The following PAQR9 variants were observed in gnomAD, a reference collection of about 807,000 sequenced individuals.
The protein encoded by PAQR9 is progestin and adipoQ receptor family member 9, also known as membrane progestin receptor epsilon.
Under a neutral mutation model 24.0 loss-of-function variants are expected in PAQR9, and 12 were observed. The ratio of observed to expected loss-of-function variants is 0.50; its 90% CI spans 0.32 to 0.81. The LOEUF (loss-of-function observed/expected upper bound fraction) is 0.81, where lower values mean the gene tolerates loss of function less well. Ranked by LOEUF, PAQR9 falls within the 30% of genes least tolerant of loss-of-function variation. The pLI is 0.03. For synonymous variants in PAQR9, 266 were observed against 237.6 expected, an observed-to-expected ratio of 1.12 and a Z score of -1.10; for missense variants, 418 against 520.8, an observed-to-expected ratio of 0.80 and a Z score of 1.92.
In PAQR9 at chr3:142,962,758, C is replaced by A. The variant is rs1934926139; in HGVS notation, c.579G>T (p.Gln193His). ...AGTCCACGTGCCAGCCCAGGCGCTGCTGCAAGTATGGAGTCATGACTCTGG... is the reference window on the plus strand; with the variant it reads ...AGTCCACGTGCCAGCCCAGGCGCTGATGCAAGTATGGAGTCATGACTCTGG... ...LDARVMTPYL[Q>H]QRLGWHVDCT... is the part of the protein sequence containing the mutation. Residue 193 changes from glutamine (Q) to histidine (H), a missense_variant, in exon 1 of 1, where the codon CAG (glutamine) becomes CAT (histidine). Physicochemically the swap from Gln to His is conservative, Grantham distance 24. Around this residue, in one of 3 missense-constraint regions of PAQR9, gnomAD observed 230 missense variants for 305.2 expected, o/e 0.75. Transcript: ENST00000340634. 3 of 1,612,482 alleles carry A rather than the reference C, an allele frequency of 1.9e-6. No homozygotes were observed. In the African/African-American group the frequency reaches 4.0e-5, roughly 22 times the overall value.
downstream of PAQR9, among the ~76,000 whole-genome samples, chr3:142,953,459 T>C (rs541655521): frequency 6.6e-6 from 1 of 152,250 alleles, no homozygotes; most frequent in East Asian, 1.9e-4. Flanking sequence ...GGCTGGGCTG[T>C]GGTTGCTATT....
exon 3 of PAQR9, chr3:142,949,291 T>TCTG (rs1934684504): frequency 6.6e-6 from 1 of 152,210 alleles, no homozygotes; most frequent in Admixed American, 6.5e-5. Context: ...TATTTATAGA[T>TCTG]CCTACCCTCA....
In PAQR9 at chr3:142,959,041, A is replaced by G. The variant is rs1934841578; in HGVS notation, c.*3162T>C. On this transcript the variant is annotated 3_prime_UTR_variant, in exon 1 of 1. Transcript: ENST00000340634. Reference sequence around the variant, plus strand: ...GGCGCCGCTCCTTGAGATGTCATCCAGATCATGACTAACAAGTAAAAATGA... The same window carrying G: ...GGCGCCGCTCCTTGAGATGTCATCCGGATCATGACTAACAAGTAAAAATGA... Among the ~76,000 whole-genome samples the G allele has an allele frequency of 6.6e-6, 1 of 152,228 alleles. No individual in the cohort carries two copies. The highest frequency in any genetic ancestry group is 1.5e-5 in the Non-Finnish European group (1 of 68,034).
Position 142,963,619 on chromosome 3 carries a change from G to T in PAQR9, c.-283C>A, listed in dbSNP as rs1387850474. On this transcript the variant is annotated 5_prime_UTR_variant, in exon 1 of 1. Coordinates refer to ENST00000340634, the MANE Select transcript of PAQR9 (RefSeq NM_198504.4). ...CTGCTACCGGCGCGCGGCCGCCCGCGCTGCGGCAGCGGCGGCGGCGCGGCT... is the reference window on the plus strand; with the variant it reads ...CTGCTACCGGCGCGCGGCCGCCCGCTCTGCGGCAGCGGCGGCGGCGCGGCT... The T allele has an allele frequency of 1.1e-5, 8 of 740,784 alleles. No homozygotes were observed. The highest frequency in any genetic ancestry group is 1.3e-5 in the Non-Finnish European group (8 of 608,854). 45.9% of individuals were successfully genotyped at this position (740,784 alleles called of 1,614,324 possible).
At position 142,954,932 on chromosome 3, in the gene PAQR9, C is replaced by A. The variant is rs1934768693; in HGVS notation, c.*7271G>T. 6.6e-6 allele frequency among the ~76,000 whole-genome samples: 1 copy of A among 152,162 alleles called. No individual in the cohort carries two copies. Among genetic ancestry groups the A allele is most frequent in the South Asian group, 2.1e-4 (1 of 4,826 alleles). ...GAATGCCTCTCTTGCTAGCTAAATA[C>A]AGTTCTTTAGGGTGTAGGTAAGGAC... On this transcript the variant is annotated 3_prime_UTR_variant, in exon 1 of 1. Coordinates refer to ENST00000340634, the MANE Select transcript of PAQR9 (RefSeq NM_198504.4).
At chr3:142,953,580 A>G (rs908803739), downstream of PAQR9, among the ~76,000 whole-genome samples, 2 of 152,094 alleles carry the variant, frequency 1.3e-5, no homozygotes, top group Non-Finnish European at 2.9e-5. Context: ...CACAGTGCAC[A>G]TGGCTCAAAC....
In PAQR9 at chr3:142,962,315, G is replaced by A. The variant is rs761373693; in HGVS notation, c.1022C>T (p.Pro341Leu). 6.2e-7 allele frequency: 1 copy of A among 1,614,138 alleles called. No homozygotes were observed. Among genetic ancestry groups the A allele is most frequent in the Non-Finnish European group, 8.5e-7 (1 of 1,180,032 alleles). Residue 341 changes from proline (P) to leucine (L), a missense_variant, in exon 1 of 1, where the codon CCT (proline) becomes CTT (leucine). By Grantham distance (98) the Pro-to-Leu change is moderately conservative. Coordinates refer to ENST00000340634, the MANE Select transcript of PAQR9 (RefSeq NM_198504.4). Reference protein sequence around the residue: ...EGLRQFLQAPPAAPTFSGTVG... With the variant: ...EGLRQFLQAPLAAPTFSGTVG... ...AGTACCCGAGAAAGTGGGTGCGGCA[G>A]GCGGCGCCTGGAGGAACTGGCGCAG...
upstream of PAQR9, chr3:142,963,814 T>C (rs1934971194): frequency 3.0e-5 from 30 of 984,906 alleles, no homozygotes; most frequent in Non-Finnish European, 3.6e-5. Context: ...CGCGGCCGCT[T>C]CGGGGGATAG....
chr3:142,957,097 T>C lies in PAQR9; in HGVS notation c.*5106A>G, dbSNP rs1454821094. ...AAGGTGATGTACAATTGGCTGGTGC[T>C]ATCCCGTAATGCCTTTTTGCCTCTG... On this transcript the variant is annotated 3_prime_UTR_variant, in exon 1 of 1. Transcript: ENST00000340634. Among the ~76,000 whole-genome samples, 1 of 152,228 alleles carries C rather than the reference T, an allele frequency of 6.6e-6. No homozygotes were observed. The highest frequency in any genetic ancestry group is 1.5e-5 in the Non-Finnish European group (1 of 68,032).
chr3:142,953,684 G>A (rs1934750224), downstream of PAQR9, among the ~76,000 whole-genome samples: 1 of 152,206 alleles, frequency 6.6e-6, no homozygotes, highest in South Asian at 2.1e-4. Flanking sequence ...GTTGGATGAA[G>A]TGGACAGCTG....
rs564054671 is a variant in PAQR9 at position 142,960,676 on chromosome 3, T to C, written c.*1527A>G. ...AAGTCATCTCAGTGGTTTGTGTTAA[T>C]CTAGAGTGGCCATCTCAATTACAGG... On this transcript the variant is annotated 3_prime_UTR_variant, in exon 1 of 1. Coordinates refer to ENST00000340634, the MANE Select transcript of PAQR9 (RefSeq NM_198504.4). The C allele has an allele frequency of 6.6e-6, 1 of 152,364 alleles. No individual in the cohort carries two copies. Among genetic ancestry groups the C allele is most frequent in the East Asian group, 1.9e-4 (1 of 5,192 alleles). 9.4% of individuals were successfully genotyped at this position (152,364 alleles called of 1,614,324 possible). A position where few individuals can be genotyped will look rare whatever the true frequency, so the allele number is the denominator to read the frequency against.
Position 142,962,360 on chromosome 3 carries a change from A to C in PAQR9, c.977T>G (p.Val326Gly), listed in dbSNP as rs1578081964. Residue 326 changes from valine to glycine, a missense_variant, in exon 1 of 1, where the codon GTG (valine) becomes GGG (glycine). Coordinates refer to ENST00000340634, the MANE Select transcript of PAQR9 (RefSeq NM_198504.4). ...GCGCAGGCCCTCTTCTACGTAGTAC[A>C]CCTGGTCGTAGATGCTGAGGAAGGT... is the stretch of plus-strand genomic sequence containing the variant. ...IFTFLSIYDQ[V>G]YYVEEGLRQF... 1.2e-6 allele frequency: 2 copies of C among 1,614,084 alleles called. No individual in the cohort carries two copies. Among genetic ancestry groups the C allele is most frequent in the Non-Finnish European group, 8.5e-7 (1 of 1,180,016 alleles).
chr3:142,949,186 C>T (rs1934683157), exon 3 of PAQR9: 1 of 152,202 alleles, frequency 6.6e-6, no homozygotes, highest in Admixed American at 6.5e-5. Flanking sequence ...TTACCTGTAT[C>T]TGTAGAATTA....
chr3:142,963,555 G>C lies in PAQR9; in HGVS notation c.-219C>G, dbSNP rs1295580532. The C allele has an allele frequency of 4.1e-6, 4 of 977,068 alleles. No individual in the cohort carries two copies. The highest frequency in any genetic ancestry group is 4.9e-6 in the Non-Finnish European group (4 of 821,378). 60.5% of individuals were successfully genotyped at this position (977,068 alleles called of 1,614,324 possible). On this transcript the variant is annotated 5_prime_UTR_variant, in exon 1 of 1. Transcript: ENST00000340634. Reference sequence around the variant, plus strand: ...AGGCAGCGCTGCGACCGCCAGGAGCGCGGAGCGCGCGAGGCTCAGCGGCTT... The same window carrying C: ...AGGCAGCGCTGCGACCGCCAGGAGCCCGGAGCGCGCGAGGCTCAGCGGCTT...
At position 142,962,057 on chromosome 3, in the gene PAQR9, T is replaced by C. The variant is rs1305970559; in HGVS notation, c.*146A>G. Reference sequence around the variant, plus strand: ...CCTCCAGTGGGTTGGGATCCCTTTGTAGCAGTGAACTTTTTCCCTATGGTT... The same window carrying C: ...CCTCCAGTGGGTTGGGATCCCTTTGCAGCAGTGAACTTTTTCCCTATGGTT... On this transcript the variant is annotated 3_prime_UTR_variant, in exon 1 of 1. Coordinates refer to ENST00000340634, the MANE Select transcript of PAQR9 (RefSeq NM_198504.4). 8.1e-6 allele frequency: 8 copies of C among 983,650 alleles called. No homozygotes were observed. Among genetic ancestry groups the C allele is most frequent in the African/African-American group, 1.6e-5 (1 of 61,624 alleles). The allele number at this position is 983,650 out of a possible 1,614,324, so 60.9% of individuals were successfully genotyped here.
exon 3 of PAQR9, chr3:142,949,196 ATTTATTTC>A (rs1934683186): frequency 6.6e-6 from 1 of 152,234 alleles, no homozygotes; most frequent in Non-Finnish European, 1.5e-5. Flanking sequence ...CTGTAGAATT[ATTTATTTC>A]CTTAAACCTG....
At position 142,962,917 on chromosome 3, in the gene PAQR9, G is replaced by A; in HGVS notation, c.420C>T (p.His140=). The change falls in exon 1 of 1, where the codon CAC becomes CAT. Residue 140 remains histidine, a synonymous_variant. Transcript: ENST00000340634. ...GACGCAGCGACAGGCAGCTGAACAC[G>A]TGCGCCGTGCAGCTCATGGCGAAGG... ...LLTFAMSCTA[H]VFSCLSLRLR... The A allele has an allele frequency of 6.2e-7, 1 of 1,613,850 alleles. No homozygotes were observed.
In PAQR9 at chr3:142,958,099, T is replaced by C. The variant is rs43209; in HGVS notation, c.*4104A>G. On this transcript the variant is annotated 3_prime_UTR_variant, in exon 1 of 1. Coordinates refer to ENST00000340634, the MANE Select transcript of PAQR9 (RefSeq NM_198504.4). ...CTCAAAGATCATGAAAGGTATGATA[T>C]GAGTGCATGAATGAACAGCTCAAAG... Among the ~76,000 whole-genome samples the C allele has an allele frequency of 0.99, 150,419 of 152,344 alleles. 74,264 individuals carry two copies. The highest frequency in any genetic ancestry group is 1 in the East Asian group (5,186 of 5,186).
chr3:142,959,837 A>T lies in PAQR9; in HGVS notation c.*2366T>A, dbSNP rs1321138444. Among the ~76,000 whole-genome samples, 3 of 152,194 alleles carry T rather than the reference A, an allele frequency of 2.0e-5. No individual in the cohort carries two copies. Among genetic ancestry groups the T allele is most frequent in the Non-Finnish European group, 4.4e-5 (3 of 68,042 alleles). On this transcript the variant is annotated 3_prime_UTR_variant, in exon 1 of 1. Coordinates refer to ENST00000340634, the MANE Select transcript of PAQR9 (RefSeq NM_198504.4). ...GTCTTCCTCCTGAAAGTTCCTTCTG[A>T]AATTGAGGTCCCATTTTACAAAGAA...
Sources: allele counts gnomAD v4.1 joint callset (sites outside exome capture counted in the v4.1 genomes callset), GRCh38; gene constraint gnomAD v4.1.1; regional missense constraint gnomAD v4.1.1; transcripts MANE v1.5; gene names NCBI Gene and HGNC (gene_info 2026-07-23, HGNC 2026-07-21).